ZNF475: variants seen among roughly 807,000 people sequenced by gnomAD.
ZNF475 encodes zinc finger protein 475.
the ZNF475 span, among the ~76,000 whole-genome samples, chr5:122,163,940 C>G: frequency 1.3e-4 from 20 of 151,578 alleles, no homozygotes; most frequent in Non-Finnish European, 2.8e-4. Flanking sequence ...ATGTGACAAT[C>G]TCTGTGTCAC....
the ZNF475 span, among the ~76,000 whole-genome samples, chr5:122,166,921 G>C: frequency 2.7e-3 from 416 of 152,266 alleles, 2 homozygotes; most frequent in African/African-American, 9.6e-3. Context: ...CACACTGTCA[G>C]TTTAATTAGA....
At chr5:122,161,570 GCTCT>G in the ZNF475 span, among the ~76,000 whole-genome samples, 1 of 152,176 alleles carries the variant, frequency 6.6e-6, no homozygotes, top group Non-Finnish European at 1.5e-5. Context: ...TGAGCAATGT[GCTCT>G]CTAACACATA....
chr5:122,172,914 A>G, the ZNF475 span, among the ~76,000 whole-genome samples: 2 of 151,944 alleles, frequency 1.3e-5, no homozygotes, highest in African/African-American at 4.8e-5. Flanking sequence ...GCACCTGTTG[A>G]CCCAGGTACT....
the ZNF475 span, chr5:122,182,444 A>T: frequency 5.2e-6 from 7 of 1,357,966 alleles, no homozygotes; most frequent in Non-Finnish European, 6.8e-6. Flanking sequence ...TGTTTTTGGT[A>T]TTTTTTTTTC....
chr5:122,165,779 C>G, the ZNF475 span, among the ~76,000 whole-genome samples: 4 of 151,154 alleles, frequency 2.6e-5, no homozygotes, highest in Non-Finnish European at 5.9e-5. Context: ...AAAAAAAGAC[C>G]ATTAAACTTT....
the ZNF475 span, among the ~76,000 whole-genome samples, chr5:122,173,809 A>G: frequency 2.2e-4 from 34 of 152,228 alleles, no homozygotes; most frequent in African/African-American, 8.2e-4. Flanking sequence ...ATAGATTTTT[A>G]TGCACACTTA....
the ZNF475 span, chr5:122,160,277 T>G: frequency 1.6e-6 from 2 of 1,289,766 alleles, 1 homozygote; most frequent in Middle Eastern, 4.3e-4. Context: ...CAGGACCAGT[T>G]CTCTTCTACA....
chr5:122,172,597 C>T, the ZNF475 span, among the ~76,000 whole-genome samples: 3 of 152,286 alleles, frequency 2.0e-5, no homozygotes, highest in South Asian at 4.1e-4. Context: ...GCTATTGCTC[C>T]ATAAACATTT....
chr5:122,170,720 C>T, the ZNF475 span, among the ~76,000 whole-genome samples: 2 of 152,190 alleles, frequency 1.3e-5, no homozygotes, highest in African/African-American at 2.4e-5. Context: ...AGCCCCTCTT[C>T]CCTCCTCAGA....
the ZNF475 span, chr5:122,179,855 T>C: frequency 1.5e-6 from 1 of 658,246 alleles, no homozygotes; most frequent in Non-Finnish European, 2.4e-6. Context: ...CTTGCCTTGG[T>C]TACAGACAAA....
At chr5:122,163,553 T>A in the ZNF475 span, among the ~76,000 whole-genome samples, 1 of 152,212 alleles carries the variant, frequency 6.6e-6, no homozygotes, top group Admixed American at 6.5e-5. Context: ...ATGGAAGGAA[T>A]CAGGAGTGTG....
At chr5:122,163,409 A>C in the ZNF475 span, 2 of 152,230 alleles carry the variant, frequency 1.3e-5, no homozygotes, top group African/African-American at 4.8e-5. Flanking sequence ...ACAAGGATTT[A>C]TAAAAGAGGT....
the ZNF475 span, among the ~76,000 whole-genome samples, chr5:122,175,344 T>G: frequency 4.6e-5 from 7 of 152,316 alleles, no homozygotes; most frequent in African/African-American, 1.7e-4. Context: ...ACATACACAT[T>G]AACCAAGTTT....
the ZNF475 span, among the ~76,000 whole-genome samples, chr5:122,166,630 T>C: frequency 0.04 from 6,029 of 152,262 alleles, 399 homozygotes; most frequent in African/African-American, 0.14. Flanking sequence ...AAAATGACGG[T>C]TTCCAGCTTC....
At chr5:122,163,294 A>G in the ZNF475 span, 1 of 152,236 alleles carries the variant, frequency 6.6e-6, no homozygotes, top group African/African-American at 2.4e-5. Flanking sequence ...GAACAAATGA[A>G]ATAAAGCATG....
chr5:122,181,132 G>A, the ZNF475 span, among the ~76,000 whole-genome samples: 3 of 152,124 alleles, frequency 2.0e-5, no homozygotes, highest in Admixed American at 2.0e-4. Context: ...TCCTATAACT[G>A]CACTTCCCTG....
the ZNF475 span, among the ~76,000 whole-genome samples, chr5:122,171,615 C>A: frequency 6.6e-6 from 1 of 152,256 alleles, no homozygotes; most frequent in Middle Eastern, 3.4e-3. Flanking sequence ...TAACTTCAAA[C>A]TTTAATTTTA....
chr5:122,173,822 T>C, the ZNF475 span, among the ~76,000 whole-genome samples: 1 of 152,236 alleles, frequency 6.6e-6, no homozygotes, highest in Admixed American at 6.5e-5. Context: ...CACACTTACA[T>C]AGATTTAGTG....
chr5:122,180,054 A>C, the ZNF475 span: 1 of 160,510 alleles, frequency 6.2e-6, no homozygotes, highest in Non-Finnish European at 1.4e-5. Context: ...TTAAAAAATA[A>C]AAATGAATAA....
Sources: gnomAD v4.1 joint callset for allele counts (sites outside exome capture counted in the v4.1 genomes callset) on GRCh38, gnomAD v4.1.1 for gene constraint, MANE v1.5 for transcripts, NCBI Gene and HGNC (gene_info 2026-07-23, HGNC 2026-07-21) for gene names.